ZFPM2: variants seen among roughly 807,000 people sequenced by gnomAD.
ZFPM2 encodes zinc finger protein ZFPM2.
ZFPM2 carries 20 observed loss-of-function variants against 98.6 expected under a neutral mutation model. The observed-to-expected ratio is 0.20, with a 90% CI of 0.14 to 0.29. ZFPM2 has a LOEUF of 0.29. ZFPM2 is among the 10% of genes least tolerant of loss of function. The pLI is 1.00. For synonymous variants in ZFPM2, 518 were observed against 502.7 expected, an observed-to-expected ratio of 1.03 and a Z score of -0.41; for missense variants, 1,310 against 1,388.6, an observed-to-expected ratio of 0.94 and a Z score of 0.90.
At chr8:105,711,299 T>C (rs1398202824) in intron 5 of ZFPM2, among the ~76,000 whole-genome samples, 1 of 152,114 alleles carries the variant, frequency 6.6e-6, no homozygotes, top group Admixed American at 6.6e-5. Context: ...TATCTTATAT[T>C]CCTCTTACTT....
At chr8:105,388,286 C>T (rs180959844) in intron 1 of ZFPM2, among the ~76,000 whole-genome samples, 1 of 146,018 alleles carries the variant, frequency 6.8e-6, no homozygotes, top group African/African-American at 2.6e-5. Flanking sequence ...CCATTAGTGA[C>T]AGTAAAAAAG....
intron 5 of ZFPM2, among the ~76,000 whole-genome samples, chr8:105,684,115 G>A (rs1003702343): frequency 2.6e-5 from 4 of 152,050 alleles, no homozygotes; most frequent in Non-Finnish European, 4.4e-5. Context: ...TTACACTCAG[G>A]GAAGTATATT....
At chr8:105,744,003 C>G (rs1466635175) in intron 5 of ZFPM2, among the ~76,000 whole-genome samples, 1 of 151,940 alleles carries the variant, frequency 6.6e-6, no homozygotes, top group Non-Finnish European at 1.5e-5. Context: ...ACTCTTCAAC[C>G]TATGTGATCA....
intron 5 of ZFPM2, among the ~76,000 whole-genome samples, chr8:105,650,907 A>G (rs753318013): frequency 5.3e-5 from 8 of 152,180 alleles, no homozygotes; most frequent in African/African-American, 9.7e-5. Flanking sequence ...AGCTGAGTTC[A>G]ATTCCTGGAT....
chr8:105,424,870 T>C (rs769060351), intron 2 of ZFPM2, among the ~76,000 whole-genome samples: 21 of 152,216 alleles, frequency 1.4e-4, no homozygotes, highest in African/African-American at 2.2e-4. Context: ...CAATAAACAA[T>C]TGAATCACAT....
chr8:105,344,954 A>G (rs970722163), intron 1 of ZFPM2, among the ~76,000 whole-genome samples: 4 of 152,182 alleles, frequency 2.6e-5, no homozygotes, highest in African/African-American at 9.6e-5. Context: ...GAAAGTTAAG[A>G]CCAACAGTGA....
intron 3 of ZFPM2, among the ~76,000 whole-genome samples, chr8:105,501,234 G>C (rs1813589220): frequency 6.8e-6 from 1 of 147,506 alleles, no homozygotes; most frequent in Non-Finnish European, 1.5e-5. Flanking sequence ...CCAGGTTGCA[G>C]TGCAGTGGCG....
At chr8:105,707,794 C>T (rs1270867778) in intron 5 of ZFPM2, among the ~76,000 whole-genome samples, 1 of 152,112 alleles carries the variant, frequency 6.6e-6, no homozygotes, top group African/African-American at 2.4e-5. Context: ...CTTTATTCCC[C>T]ACAAACTGAC....
At chr8:105,325,878 T>C (rs1292622818) in intron 1 of ZFPM2, among the ~76,000 whole-genome samples, 1 of 151,858 alleles carries the variant, frequency 6.6e-6, no homozygotes, top group African/African-American at 2.4e-5. Flanking sequence ...AATGAATATG[T>C]GATTATCATT....
intron 1 of ZFPM2, among the ~76,000 whole-genome samples, chr8:105,378,049 A>G (rs1447070034): frequency 1.3e-5 from 2 of 152,174 alleles, no homozygotes; most frequent in African/African-American, 4.8e-5. Context: ...TTATTGCCTC[A>G]ATGCATATTA....
chr8:105,711,192 A>C (rs1365547638), intron 5 of ZFPM2, among the ~76,000 whole-genome samples: 1 of 152,112 alleles, frequency 6.6e-6, no homozygotes, highest in African/African-American at 2.4e-5. Context: ...CAAAGTCTAA[A>C]ATATTCAGTA....
chr8:105,633,183 A>G (rs1816783932), intron 4 of ZFPM2, among the ~76,000 whole-genome samples: 1 of 152,196 alleles, frequency 6.6e-6, no homozygotes, highest in African/African-American at 2.4e-5. Flanking sequence ...GTTAAGGCCA[A>G]TTTGGGAAAT....
chr8:105,341,845 A>G (rs1470803230), intron 1 of ZFPM2, among the ~76,000 whole-genome samples: 2 of 152,054 alleles, frequency 1.3e-5, no homozygotes, highest in Admixed American at 1.3e-4. Context: ...CAAAGCATCT[A>G]GAACATTCTG....
chr8:105,509,794 A>T (rs147545401), intron 3 of ZFPM2, among the ~76,000 whole-genome samples: 1 of 152,204 alleles, frequency 6.6e-6, no homozygotes, highest in East Asian at 1.9e-4. Flanking sequence ...TGTTTCACAG[A>T]TTTTGTTTCA....
intron 3 of ZFPM2, among the ~76,000 whole-genome samples, chr8:105,508,638 T>A (rs1053692447): frequency 1.3e-5 from 2 of 151,984 alleles, no homozygotes; most frequent in Non-Finnish European, 2.9e-5. Flanking sequence ...CCTCCTTCAC[T>A]GCCAGAGACC....
At chr8:105,648,051 C>CT (rs1219919079) in intron 5 of ZFPM2, among the ~76,000 whole-genome samples, 3 of 152,144 alleles carry the variant, frequency 2.0e-5, no homozygotes, top group African/African-American at 7.2e-5. Flanking sequence ...GGTTTCCTGA[C>CT]TTTTTAATGA....
At chr8:105,551,243 A>G (rs945831749) in intron 3 of ZFPM2, among the ~76,000 whole-genome samples, 14 of 152,198 alleles carry the variant, frequency 9.2e-5, no homozygotes, top group African/African-American at 3.4e-4. Flanking sequence ...TTAGTACTGC[A>G]TAGGACTTAT....
intron 2 of ZFPM2, among the ~76,000 whole-genome samples, chr8:105,436,663 G>C (rs928412105): frequency 2.6e-5 from 4 of 152,166 alleles, no homozygotes; most frequent in African/African-American, 9.7e-5. Context: ...TTAGAGGCAT[G>C]GTCTTTGGAG....
chr8:105,651,115 G>A (rs1348494052), intron 5 of ZFPM2, among the ~76,000 whole-genome samples: 1 of 152,088 alleles, frequency 6.6e-6, no homozygotes, highest in Non-Finnish European at 1.5e-5. Context: ...CATGCCCAGT[G>A]ACAAGTCTCT....
Sources: gnomAD v4.1 joint callset for allele counts (sites outside exome capture counted in the v4.1 genomes callset) on GRCh38, gnomAD v4.1.1 for gene constraint, MANE v1.5 for transcripts, NCBI Gene and HGNC (gene_info 2026-07-23, HGNC 2026-07-21) for gene names.